Variants in TRIM2 observed in about 807,000 individuals in gnomAD.
The protein encoded by TRIM2 is tripartite motif containing 2, also known as tripartite motif-containing protein 2.
Under a neutral mutation model 75.2 loss-of-function variants are expected in TRIM2, and 20 were observed. The observed-to-expected ratio is 0.27, with a 90% CI of 0.19 to 0.39. The LOEUF (loss-of-function observed/expected upper bound fraction) is 0.39, where lower values mean the gene tolerates loss of function less well. Among genes scored for constraint, TRIM2 ranks in the 10% least tolerant of loss-of-function variants. The probability of loss-of-function intolerance (pLI) is 1.00; values close to 1 mark genes in which losing one functional copy is unlikely to be tolerated. For missense variants in TRIM2, 660 were observed against 990.8 expected, an observed-to-expected ratio of 0.67 and a Z score of 4.48; for synonymous variants, 373 against 388.3, an observed-to-expected ratio of 0.96 and a Z score of 0.46.
chr4:153,299,574 C>T (rs958877751), intron 6 of TRIM2, among the ~76,000 whole-genome samples: 2 of 152,116 alleles, frequency 1.3e-5, no homozygotes, highest in Non-Finnish European at 2.9e-5. Context: ...TTCAAAGAAT[C>T]AGTATGTCAG....
At chr4:153,332,917 T>C (rs1579829008) in intron 11 of TRIM2, among the ~76,000 whole-genome samples, 1 of 152,234 alleles carries the variant, frequency 6.6e-6, no homozygotes, top group East Asian at 1.9e-4. Context: ...TTGGTATTTC[T>C]TTAAAAACTA....
chr4:153,307,812 T>C, intron 6 of TRIM2: 3 of 728,420 alleles, frequency 4.1e-6, no homozygotes, highest in Non-Finnish European at 7.7e-6. Flanking sequence ...TTGCTGGATG[T>C]AATAGTACAG....
At chr4:153,174,091 G>A (rs1394840525) in intron 1 of TRIM2, among the ~76,000 whole-genome samples, 2 of 35,706 alleles carry the variant, frequency 5.6e-5, no homozygotes, top group South Asian at 6.3e-4. Context: ...GCCCTCGTGG[G>A]TGCCTGAAGT....
chr4:153,173,213 G>A (rs1334000873), intron 1 of TRIM2, among the ~76,000 whole-genome samples: 3 of 152,160 alleles, frequency 2.0e-5, no homozygotes, highest in Non-Finnish European at 4.4e-5. Context: ...GAGCACTGGT[G>A]TCTGCACTAT....
At chr4:153,209,770 G>T (rs1406192933) in intron 1 of TRIM2, among the ~76,000 whole-genome samples, 1 of 152,166 alleles carries the variant, frequency 6.6e-6, no homozygotes, top group Non-Finnish European at 1.5e-5. Context: ...TAAATCTGTA[G>T]TACCCTCAAA....
At chr4:153,175,841 A>G (rs1366428816) in intron 1 of TRIM2, among the ~76,000 whole-genome samples, 2 of 152,166 alleles carry the variant, frequency 1.3e-5, no homozygotes, top group Non-Finnish European at 2.9e-5. Context: ...GAATTTGATA[A>G]CTGGTTATGT....
At chr4:153,318,931 T>C (rs1768300464) in intron 8 of TRIM2, among the ~76,000 whole-genome samples, 1 of 152,210 alleles carries the variant, frequency 6.6e-6, no homozygotes, top group Admixed American at 6.5e-5. Context: ...TGGTGTAGTT[T>C]CAGCAATACC....
chr4:153,286,877 T>A (rs1760756269), intron 3 of TRIM2, among the ~76,000 whole-genome samples: 1 of 152,128 alleles, frequency 6.6e-6, no homozygotes, highest in Non-Finnish European at 1.5e-5. Flanking sequence ...GTCTTAAGTC[T>A]ATTTTTTCTG....
At chr4:153,292,782 G>A (rs1000632495) in intron 3 of TRIM2, among the ~76,000 whole-genome samples, 200 bp from the exon 4 acceptor site, 3 of 152,198 alleles carry the variant, frequency 2.0e-5, no homozygotes, top group Non-Finnish European at 4.4e-5. Flanking sequence ...TATAGAAGCA[G>A]CTTAGAAGTC....
At chr4:153,179,505 AAGTAGG>A (rs1449989236) in intron 1 of TRIM2, among the ~76,000 whole-genome samples, 1 of 152,062 alleles carries the variant, frequency 6.6e-6, no homozygotes, top group Non-Finnish European at 1.5e-5. Flanking sequence ...TCACTCCTGC[AAGTAGG>A]AGCCTCCCTT....
At chr4:153,314,577 G>A (rs943285823) in intron 6 of TRIM2, among the ~76,000 whole-genome samples, 1 of 149,454 alleles carries the variant, frequency 6.7e-6, no homozygotes, top group African/African-American at 2.6e-5. Context: ...GCAAGACCCT[G>A]TCTCAAACAA....
intron 1 of TRIM2, among the ~76,000 whole-genome samples, chr4:153,169,463 C>T (rs1730630976): frequency 6.6e-6 from 1 of 152,166 alleles, no homozygotes; most frequent in Non-Finnish European, 1.5e-5. Context: ...GTGTAATATG[C>T]TCTTCTTATG....
intron 1 of TRIM2, among the ~76,000 whole-genome samples, chr4:153,179,836 T>C (rs1397191636): frequency 1.3e-5 from 2 of 152,238 alleles, no homozygotes. Context: ...GTGGCCCTAC[T>C]GAGGCTCACA....
intron 1 of TRIM2, among the ~76,000 whole-genome samples, chr4:153,260,686 A>ACCCCCCCCC (rs1560902694): frequency 5.7e-5 from 1 of 17,430 alleles, no homozygotes; most frequent in Non-Finnish European, 1.3e-4. Context: ...CCACCCACAC[A>ACCCCCCCCC]CCCACCCCCC....
rs145451036 is a variant in TRIM2, at chr4:153,292,954, C to T, written c.454-28C>T. The T allele has an allele frequency of 3.0e-5, 48 of 1,576,594 alleles. No homozygotes were observed. The African/African-American group carries it at 5.6e-4, about 19-fold the overall frequency. ...TAAGCCCTCAACCCATGGCCCAGAA[C>T]CAGGAACTTTTCTTGTGTCATCCAC... is the stretch of plus-strand genomic sequence containing the variant. On this transcript the variant is annotated intron_variant, in intron 3 of 11. Coordinates refer to ENST00000338700, the MANE Select transcript of TRIM2 (RefSeq NM_015271.5).
intron 8 of TRIM2, among the ~76,000 whole-genome samples, chr4:153,316,311 A>G (rs1243850567): frequency 6.6e-6 from 1 of 152,238 alleles, no homozygotes; most frequent in Non-Finnish European, 1.5e-5. Context: ...CAAGGTTTTC[A>G]AAAGAGTTAT....
intron 3 of TRIM2, among the ~76,000 whole-genome samples, chr4:153,277,565 A>T (rs1410161313): frequency 6.6e-6 from 1 of 152,220 alleles, no homozygotes; most frequent in Non-Finnish European, 1.5e-5. Flanking sequence ...AATTTGCCAG[A>T]CACCGTATTT....
rs536693739 is a variant in TRIM2, at chr4:153,276,022, C to T, written c.345C>T (p.Asp115=). ...ATTTCTTCATCACAAACCTGATGGACGTGCTGCAGCGAACTCCAGGCAGCA... is the reference window on the plus strand; with the variant it reads ...ATTTCTTCATCACAAACCTGATGGATGTGCTGCAGCGAACTCCAGGCAGCA... ...QNNFFITNLM[D]VLQRTPGSNA... is the part of the protein sequence containing the mutation. The change falls in exon 3 of 12, where the codon GAC becomes GAT. Residue 115 remains aspartate (D), a synonymous_variant. Coordinates refer to ENST00000338700, the MANE Select transcript of TRIM2 (RefSeq NM_015271.5). The T allele has an allele frequency of 3.1e-5, 50 of 1,614,230 alleles. No individual in the cohort carries two copies. In the East Asian group the frequency reaches 3.1e-4, roughly 10 times the overall value.
intron 1 of TRIM2, among the ~76,000 whole-genome samples, chr4:153,206,838 A>G (rs972565054): frequency 1.7e-4 from 26 of 152,160 alleles, no homozygotes; most frequent in Admixed American, 2.0e-4. Flanking sequence ...ATTAGCATAC[A>G]AAAAGGCTCT....
Sources: gnomAD v4.1 joint callset for allele counts (sites outside exome capture counted in the v4.1 genomes callset) on GRCh38, gnomAD v4.1.1 for gene constraint, MANE v1.5 for transcripts, NCBI Gene and HGNC (gene_info 2026-07-23, HGNC 2026-07-21) for gene names.